Variants in COL24A1 observed in about 807,000 individuals in gnomAD.
COL24A1 encodes the protein collagen alpha-1(XXIV) chain.
Under a neutral mutation model 253.9 loss-of-function variants are expected in COL24A1, and 224 were observed. The ratio of observed to expected loss-of-function variants is 0.88; its 90% CI spans 0.79 to 0.99. COL24A1 has a LOEUF of 0.99. Ranked by LOEUF, COL24A1 falls within the 50% of genes least tolerant of loss-of-function variation. The pLI is 0.00. For synonymous variants in COL24A1, 685 were observed against 673.7 expected, an observed-to-expected ratio of 1.02 and a Z score of -0.26; for missense variants, 2,131 against 2,068.5, an observed-to-expected ratio of 1.03 and a Z score of -0.59.
At chr1:85,994,065 G>C (rs1342782855) in intron 19 of COL24A1, among the ~76,000 whole-genome samples, 2 of 151,836 alleles carry the variant, frequency 1.3e-5, no homozygotes, top group Admixed American at 1.3e-4. Flanking sequence ...TTCAATTATT[G>C]ATTTAATATC....
chr1:85,766,387 AAAAGAAAG>A (rs1156668554), intron 53 of COL24A1, among the ~76,000 whole-genome samples: 2 of 59,098 alleles, frequency 3.4e-5, no homozygotes, highest in African/African-American at 1.0e-4. Flanking sequence ...AAAAAAAAAA[AAAAGAAAG>A]AAAGAAAGAA....
chr1:86,103,077 T>C (rs1341049727), intron 5 of COL24A1, among the ~76,000 whole-genome samples: 3 of 152,218 alleles, frequency 2.0e-5, no homozygotes, highest in African/African-American at 7.2e-5. Flanking sequence ...TTGGGATGCA[T>C]ATATATTTAG....
chr1:86,042,054 G>A (rs79497836), intron 12 of COL24A1, among the ~76,000 whole-genome samples: 2,250 of 152,104 alleles, frequency 0.015, 55 homozygotes, highest in African/African-American at 0.052. Flanking sequence ...AGTGCAGGAG[G>A]GAAGGAGAGG....
intron 19 of COL24A1, among the ~76,000 whole-genome samples, chr1:86,014,058 T>C (rs1212372037): frequency 1.3e-5 from 2 of 152,224 alleles, no homozygotes; most frequent in Non-Finnish European, 2.9e-5. Context: ...TTTCTTCTTT[T>C]GAAACAAATC....
intron 1 of COL24A1, among the ~76,000 whole-genome samples, chr1:86,147,098 G>A (rs531422960): frequency 5.9e-5 from 9 of 152,144 alleles, no homozygotes; most frequent in South Asian, 2.1e-4. Context: ...ATGCAGTTCC[G>A]CAAGGAGTGA....
intron 37 of COL24A1, among the ~76,000 whole-genome samples, chr1:85,850,004 C>T (rs185918698): frequency 1.3e-5 from 2 of 151,718 alleles, no homozygotes; most frequent in African/African-American, 2.4e-5. Context: ...AAGAGATATT[C>T]GTTGATCTGT....
In COL24A1 at chr1:85,813,419, TAAAG is replaced by T. The variant is rs1187190742; in HGVS notation, c.3951+3365_3951+3368del. 5.3e-5 allele frequency among the ~76,000 whole-genome samples: 6 copies of T among 113,536 alleles called. No homozygotes were observed. The East Asian group carries it at 1.3e-3, about 24-fold the overall frequency. The allele number at this position is 113,536 out of a possible 152,430, so 74.5% of individuals were successfully genotyped here. A position where few individuals can be genotyped will look rare whatever the true frequency, so the allele number is the denominator to read the frequency against. On this transcript the variant is annotated intron_variant, in intron 47 of 59. Coordinates refer to ENST00000370571, the MANE Select transcript of COL24A1 (RefSeq NM_152890.7). ...AAAAGACAGAGGGAGTGGAAAACCT[TAAAG>T]AAAAAAAAAAAAGAAGCCAAAGCTG... is the stretch of plus-strand genomic sequence containing the variant.
chr1:85,804,869 T>TA (rs956348215), intron 47 of COL24A1, among the ~76,000 whole-genome samples: 17 of 151,904 alleles, frequency 1.1e-4, no homozygotes, highest in African/African-American at 4.1e-4. Context: ...TTTTTTTTTT[T>TA]AGGATTTTGT....
chr1:85,970,759 GTAGTCACAAA>G (rs1264181989), intron 21 of COL24A1, among the ~76,000 whole-genome samples: 1 of 152,100 alleles, frequency 6.6e-6, no homozygotes, highest in Non-Finnish European at 1.5e-5. Flanking sequence ...AAAATATTAA[GTAGTCACAAA>G]TAGTAAATAT....
At chr1:85,860,927 T>G (rs920294498) in intron 37 of COL24A1, among the ~76,000 whole-genome samples, 16 of 152,350 alleles carry the variant, frequency 1.1e-4, no homozygotes, top group Admixed American at 7.2e-4. Context: ...CCATTTGGGT[T>G]GTTTCTACTT....
chr1:85,886,052 T>C (rs1036897110), intron 32 of COL24A1, among the ~76,000 whole-genome samples: 4 of 152,120 alleles, frequency 2.6e-5, no homozygotes, highest in Admixed American at 1.3e-4. Flanking sequence ...CCAAATTGTG[T>C]TCCACACACA....
intron 20 of COL24A1, 125 bp downstream of exon 20, chr1:85,987,476 A>T: frequency 1.2e-6 from 1 of 844,778 alleles, no homozygotes; most frequent in Non-Finnish European, 1.9e-6. Context: ...TATTAAATGT[A>T]CCTGAGACAG....
intron 52 of COL24A1, among the ~76,000 whole-genome samples, chr1:85,777,190 C>T (rs1189831646): frequency 2.0e-5 from 3 of 151,816 alleles, no homozygotes; most frequent in African/African-American, 2.4e-5. Context: ...CCTCGTGATC[C>T]GCCCGCCTCA....
Position 85,908,671 on chromosome 1 carries a change from T to A in COL24A1, c.2671-20A>T. ...ATATCCCTATAATTTAAGGAAAATA[T>A]AAAAGAAGTAAAATATTCATGACTT... is the stretch of plus-strand genomic sequence containing the variant. On this transcript the variant is annotated intron_variant, in intron 26 of 59. Coordinates refer to ENST00000370571, the MANE Select transcript of COL24A1 (RefSeq NM_152890.7). 4.3e-6 allele frequency: 5 copies of A among 1,165,924 alleles called. No individual in the cohort carries two copies. Among genetic ancestry groups the A allele is most frequent in the Non-Finnish European group, 5.9e-6 (5 of 850,332 alleles). 72.2% of individuals were successfully genotyped at this position (1,165,924 alleles called of 1,614,324 possible).
chr1:85,761,879 C>G (rs1241899615), intron 53 of COL24A1, among the ~76,000 whole-genome samples: 1 of 152,124 alleles, frequency 6.6e-6, no homozygotes. Flanking sequence ...TTATTTCTAA[C>G]TACCATCCAC....
At chr1:86,022,498 C>G in intron 17 of COL24A1, 40 bp downstream of exon 17, 1 of 1,544,842 alleles carries the variant, frequency 6.5e-7, no homozygotes, top group Non-Finnish European at 8.9e-7. Context: ...TGAATTTACA[C>G]TTTTTCATAT....
intron 2 of COL24A1, among the ~76,000 whole-genome samples, chr1:86,139,214 C>T (rs1650729282): frequency 6.6e-6 from 1 of 150,416 alleles, no homozygotes; most frequent in Non-Finnish European, 1.5e-5. Context: ...AGTAGTAGAT[C>T]GAGAAAGAGG....
intron 20 of COL24A1, 75 bp from the exon 21 acceptor site, chr1:85,971,468 G>A: frequency 8.3e-7 from 1 of 1,200,698 alleles, no homozygotes; most frequent in Non-Finnish European, 1.2e-6. Context: ...CATTAATGTG[G>A]AGATGGACAA....
At position 85,961,253 on chromosome 1, in the gene COL24A1, T is replaced by C; in HGVS notation, c.2558A>G (p.Glu853Gly). The change falls in exon 24 of 60, where the codon GAA becomes GGA. Residue 853 changes from glutamate (E) to glycine (G), a missense_variant. Glu to Gly is a moderately conservative substitution (Grantham distance 98). Transcript: ENST00000370571. Reference protein sequence around the residue: ...GDQGNIGKIGETGPVGLPGEV... With the variant: ...GDQGNIGKIGGTGPVGLPGEV... ...AAGAGCATAAAATAAGCTTACTGTTTCACCAATTTTTCCAATATTTCCTTG... is the reference window on the plus strand; with the variant it reads ...AAGAGCATAAAATAAGCTTACTGTTCCACCAATTTTTCCAATATTTCCTTG... 2 of 1,602,262 alleles carry C rather than the reference T, an allele frequency of 1.2e-6. No individual in the cohort carries two copies. Among genetic ancestry groups the C allele is most frequent in the Admixed American group, 1.7e-5 (1 of 59,780 alleles).
Sources: allele counts gnomAD v4.1 joint callset (sites outside exome capture counted in the v4.1 genomes callset), GRCh38; gene constraint gnomAD v4.1.1; transcripts MANE v1.5; gene names NCBI Gene and HGNC (gene_info 2026-07-23, HGNC 2026-07-21).